The following KIAA1217 variants were observed in gnomAD, a reference collection of about 807,000 sequenced individuals.
KIAA1217 encodes KIAA1217, also known as sickle tail protein homolog.
A neutral mutation model predicts 163.9 loss-of-function variants in KIAA1217; 88 were observed. The ratio of observed to expected loss-of-function variants is 0.54; its 90% CI spans 0.45 to 0.64. The LOEUF (loss-of-function observed/expected upper bound fraction) is 0.64. KIAA1217 is among the 30% of genes least tolerant of loss of function. The probability of loss-of-function intolerance (pLI) is 0.00; values close to 1 mark genes in which losing one functional copy is unlikely to be tolerated. For missense variants in KIAA1217, 2,372 were observed against 2,475.0 expected (o/e 0.96, Z 0.88); for synonymous variants, 903 against 923.1 (o/e 0.98, Z 0.39).
At chr10:24,506,551 A>G (rs1476775344) in intron 9 of KIAA1217, among the ~76,000 whole-genome samples, 1 of 152,248 alleles carries the variant, frequency 6.6e-6, no homozygotes, top group Non-Finnish European at 1.5e-5. Flanking sequence ...TCAATAAATT[A>G]TCTTTCTAGC....
chr10:24,028,316 A>G (rs1848048489), intron 2 of KIAA1217, among the ~76,000 whole-genome samples: 1 of 152,144 alleles, frequency 6.6e-6, no homozygotes, highest in South Asian at 2.1e-4. Context: ...TAATATATTC[A>G]TTCATTATAA....
At chr10:23,741,736 G>C (rs905647668) in intron 1 of KIAA1217, among the ~76,000 whole-genome samples, 2 of 152,066 alleles carry the variant, frequency 1.3e-5, no homozygotes, top group South Asian at 2.1e-4. Flanking sequence ...AAATTTAGTG[G>C]GAGAGCCAAA....
chr10:24,147,661 G>A (rs1345872808), intron 2 of KIAA1217, among the ~76,000 whole-genome samples: 3 of 151,648 alleles, frequency 2.0e-5, no homozygotes, highest in Non-Finnish European at 1.5e-5. Flanking sequence ...TGGCCAACAT[G>A]ACGAAATCCA....
At chr10:23,762,793 AG>A (rs200533348) in intron 1 of KIAA1217, among the ~76,000 whole-genome samples, 6,883 of 152,262 alleles carry the variant, frequency 0.045, 510 homozygotes, top group African/African-American at 0.15. Context: ...GAAAGAAATA[AG>A]GGCATTCAAA....
In KIAA1217 at chr10:24,034,666, G is replaced by T. The variant is rs150016541; in HGVS notation, c.-171+27292G>T. ...AGCAAGATCAGGAGGCGGGGCAAAG[G>T]TGAAAAGTTCAAGAAGCCCAGCAGA... On this transcript the variant is annotated intron_variant, in intron 2 of 18. Transcript: ENST00000376462. 2.3e-3 allele frequency among the ~76,000 whole-genome samples: 354 copies of T among 152,204 alleles called. 9 individuals carry two copies. The East Asian group carries it at 0.06, about 26-fold the overall frequency.
chr10:23,792,392 T>C (rs1247853916), intron 1 of KIAA1217, among the ~76,000 whole-genome samples: 1 of 152,332 alleles, frequency 6.6e-6, no homozygotes, highest in East Asian at 1.9e-4. Flanking sequence ...TCTCTTATAG[T>C]AAACTTTCCG....
rs573759320 is a variant in KIAA1217, at chr10:24,303,639, G to A, written c.355-77230G>A. On this transcript the variant is annotated intron_variant, in intron 2 of 20. Transcript: ENST00000376454. ...GAGAATGGGGAGGGGATCTGAGGTG[G>A]GATTAAGCTTGAGGAACAAACTCAA... 1.1e-4 allele frequency among the ~76,000 whole-genome samples: 16 copies of A among 152,272 alleles called. No individual in the cohort carries two copies. In the South Asian group the frequency reaches 3.3e-3, roughly 32 times the overall value.
chr10:23,697,982 C>T (rs1016207611), intron 1 of KIAA1217, among the ~76,000 whole-genome samples: 1 of 151,946 alleles, frequency 6.6e-6, no homozygotes, highest in African/African-American at 2.4e-5. Context: ...AGTTTATAGG[C>T]ATTAATACTG....
Position 24,543,811 on chromosome 10 carries a change from G to A in KIAA1217, c.4541G>A (p.Gly1514Glu). 5 of 1,613,880 alleles carry A rather than the reference G, an allele frequency of 3.1e-6. No homozygotes were observed. Among genetic ancestry groups the A allele is most frequent in the Non-Finnish European group, 4.2e-6 (5 of 1,179,964 alleles). The change falls in exon 19 of 21, where the codon GGA (glycine) becomes GAA (glutamate). Residue 1514 changes from glycine (G) to glutamate (E), a missense_variant. Coordinates refer to ENST00000376454, the MANE Select transcript of KIAA1217 (RefSeq NM_019590.5). ...GTGGCCCCAGGCAATCTTAGAACCG[G>A]ACAACAGGTGGAAACAAAGTCACAG... is the stretch of plus-strand genomic sequence containing the variant. ...KKVAPGNLRT[G>E]QQVETKSQPH...
chr10:24,494,518 G>C lies in KIAA1217; in HGVS notation c.1698G>C (p.Met566Ile). 2 of 1,613,580 alleles carry C rather than the reference G, an allele frequency of 1.2e-6. No homozygotes were observed. Among genetic ancestry groups the C allele is most frequent in the Non-Finnish European group, 1.7e-6 (2 of 1,179,618 alleles). The change falls in exon 7 of 21, where the codon ATG becomes ATC. Residue 566 changes from methionine (M) to isoleucine (I), a missense_variant. Physicochemically the swap from Met to Ile is conservative, Grantham distance 10. This residue lies in a region of KIAA1217 where 1,431 missense variants were observed against 1,470.3 expected (regional missense o/e 0.97). Coordinates refer to ENST00000376454, the MANE Select transcript of KIAA1217 (RefSeq NM_019590.5). ...TTTACAGAGAGAGGATGCAAGCCATGGAGAAACAGATTGCCAGTTTAACTG... is the reference window on the plus strand; with the variant it reads ...TTTACAGAGAGAGGATGCAAGCCATCGAGAAACAGATTGCCAGTTTAACTG... ...DRETRERMQA[M>I]EKQIASLTGL...
At chr10:24,471,482 T>TA (rs944657905) in intron 5 of KIAA1217, among the ~76,000 whole-genome samples, 7 of 151,040 alleles carry the variant, frequency 4.6e-5, no homozygotes, top group Admixed American at 2.0e-4. Flanking sequence ...TTTTTTTTTT[T>TA]ATTCTACTCC....
At chr10:23,999,642 A>C (rs1371288536) in intron 1 of KIAA1217, among the ~76,000 whole-genome samples, 1 of 152,216 alleles carries the variant, frequency 6.6e-6, no homozygotes. Context: ...AGATTCGCTG[A>C]CATGGCAGAG....
At chr10:24,240,507 A>G (rs1274433350) in intron 2 of KIAA1217, among the ~76,000 whole-genome samples, 3 of 152,248 alleles carry the variant, frequency 2.0e-5, no homozygotes, top group African/African-American at 7.2e-5. Context: ...TTGTTACCAC[A>G]GTTATTGCAA....
intron 2 of KIAA1217, among the ~76,000 whole-genome samples, chr10:24,044,507 T>G (rs1276492015): frequency 6.6e-6 from 1 of 151,488 alleles, no homozygotes; most frequent in East Asian, 1.9e-4. Flanking sequence ...CATTTCTGAC[T>G]TTTTTTTTAA....
chr10:24,205,424 G>A (rs1030029265), upstream of KIAA1217, among the ~76,000 whole-genome samples: 4 of 150,904 alleles, frequency 2.7e-5, no homozygotes, highest in Non-Finnish European at 5.9e-5. Context: ...GCAGTGAGCC[G>A]AGATCGCGCC....
chr10:23,934,113 A>C (rs1244180728), intron 1 of KIAA1217, among the ~76,000 whole-genome samples: 1 of 152,222 alleles, frequency 6.6e-6, no homozygotes, highest in Non-Finnish European at 1.5e-5. Flanking sequence ...CACTGTTTAC[A>C]ATAGCAAAGA....
chr10:24,397,443 A>G (rs559314242), intron 3 of KIAA1217, among the ~76,000 whole-genome samples: 1 of 152,238 alleles, frequency 6.6e-6, no homozygotes, highest in African/African-American at 2.4e-5. Flanking sequence ...AGTAGCTAAC[A>G]TTTGCTAAGC....
chr10:24,214,326 G>A (rs3936155), intron 1 of KIAA1217, among the ~76,000 whole-genome samples: 88,110 of 151,990 alleles, frequency 0.58, 25,812 homozygotes, highest in African/African-American at 0.67. Flanking sequence ...CTCAGACACA[G>A]CACAGTGTGA....
chr10:24,368,981 G>A (rs1272745538), intron 2 of KIAA1217: 4 of 478,720 alleles, frequency 8.4e-6, no homozygotes, highest in East Asian at 1.5e-4. Flanking sequence ...GTTCAGAAAG[G>A]TTTCATATGG....
Sources: allele counts gnomAD v4.1 joint callset (sites outside exome capture counted in the v4.1 genomes callset), GRCh38; gene constraint gnomAD v4.1.1; regional missense constraint gnomAD v4.1.1; transcripts MANE v1.5; gene names NCBI Gene and HGNC (gene_info 2026-07-23, HGNC 2026-07-21).